ZNF16: variants seen among roughly 807,000 people sequenced by gnomAD.
ZNF16 encodes the protein zinc finger protein 16, also known as zinc finger protein KOX9.
A neutral mutation model predicts 9.0 loss-of-function variants in ZNF16; 7 were observed. The observed-to-expected ratio is 0.78, with a 90% CI of 0.44 to 1.47. The LOEUF (loss-of-function observed/expected upper bound fraction) is 1.47, where lower values mean the gene tolerates loss of function less well. Among genes scored for constraint, ZNF16 ranks in the 40% most tolerant of loss-of-function variants. ZNF16 has a pLI of 0.01. For missense variants in ZNF16, 830 were observed against 854.2 expected, an observed-to-expected ratio of 0.97 and a Z score of 0.35; for synonymous variants, 312 against 301.5, an observed-to-expected ratio of 1.03 and a Z score of -0.36.
chr8:144,948,804 G>C (rs1834021653), intron 1 of ZNF16, among the ~76,000 whole-genome samples: 1 of 152,180 alleles, frequency 6.6e-6, no homozygotes, highest in Non-Finnish European at 1.5e-5. Flanking sequence ...CCAGGACACA[G>C]AATAAATGCC....
chr8:144,948,305 A>C (rs528404702), intron 1 of ZNF16: 2 of 152,362 alleles, frequency 1.3e-5, no homozygotes, highest in African/African-American at 4.8e-5. Flanking sequence ...TTAACTTGGC[A>C]GGGTGCTCAG....
intron 2 of ZNF16, among the ~76,000 whole-genome samples, chr8:144,943,368 A>G (rs1833849000): frequency 1.3e-5 from 2 of 152,082 alleles, no homozygotes; most frequent in African/African-American, 4.8e-5. Context: ...TTGTGTGTGT[A>G]GACATGTCTT....
chr8:144,930,966 A>C lies in ZNF16; in HGVS notation c.1821T>G (p.Gly607=). ...GEKPYTCVEC[G]KGFSQSSHLI... is the part of the protein sequence containing the mutation. ...GGTGTGAGCTCTGGCTGAAGCCCTT[A>C]CCACATTCAACACAGGTGTAGGGTT... is the stretch of plus-strand genomic sequence containing the variant. The change falls in exon 3 of 3, where the codon GGT becomes GGG. Residue 607 remains glycine, a synonymous_variant. Transcript: ENST00000394909. The C allele has an allele frequency of 6.2e-7, 1 of 1,613,692 alleles. No homozygotes were observed. Among genetic ancestry groups the C allele is most frequent in the South Asian group, 1.1e-5 (1 of 91,040 alleles).
At position 144,931,739 on chromosome 8, in the gene ZNF16, C is replaced by G; in HGVS notation, c.1048G>C (p.Val350Leu). Residue 350 changes from valine to leucine, a missense_variant, in exon 3 of 3, where the codon GTG (valine) becomes CTG (leucine). Coordinates refer to ENST00000394909, the MANE Select transcript of ZNF16 (RefSeq NM_006958.3). ...AAGGCCTTCCCACACTCACTGCACA[C>G]ATACGGTTTCTCCCCAGAATGGATT... is the stretch of plus-strand genomic sequence containing the variant. ...QRIHSGEKPY[V>L]CSECGKAFRR... 1.2e-6 allele frequency: 2 copies of G among 1,614,112 alleles called. No individual in the cohort carries two copies. The highest frequency in any genetic ancestry group is 1.7e-6 in the Non-Finnish European group (2 of 1,179,972).
chr8:144,945,938 G>A (rs752636109), intron 2 of ZNF16, 73 bp downstream of exon 2: 1 of 1,576,944 alleles, frequency 6.3e-7, no homozygotes, highest in Non-Finnish European at 8.6e-7. Context: ...TGCCTCCTAG[G>A]GGTAAGCACA....
intron 2 of ZNF16, among the ~76,000 whole-genome samples, chr8:144,941,243 C>CT (rs999242941): frequency 2.0e-5 from 3 of 151,796 alleles, no homozygotes; most frequent in Non-Finnish European, 2.9e-5. Context: ...GTTTGGAGCT[C>CT]TTTTTTTTGA....
chr8:144,934,915 C>T (rs954062038), intron 2 of ZNF16, among the ~76,000 whole-genome samples: 44 of 152,294 alleles, frequency 2.9e-4, no homozygotes, highest in Admixed American at 2.6e-3. Flanking sequence ...AACCAGCCCA[C>T]TAGCTGGATT....
rs71515635 is a variant in ZNF16, at chr8:144,946,618, C to A, written c.-9-403G>T. 2.3e-4 allele frequency among the ~76,000 whole-genome samples: 28 copies of A among 122,838 alleles called. 1 individual carries two copies. Among genetic ancestry groups the A allele is most frequent in the African/African-American group, 7.7e-4 (23 of 29,884 alleles). The allele number at this position is 122,838 out of a possible 152,430, so 80.6% of individuals were successfully genotyped here. On this transcript the variant is annotated intron_variant, in intron 1 of 2. Coordinates refer to ENST00000394909, the MANE Select transcript of ZNF16 (RefSeq NM_006958.3). Reference sequence around the variant, plus strand: ...CTGTATCCTGCTGTTGGGCTTGTGTCCTGCTGTTGGGCCTGTGTCCTGCTG... The same window carrying A: ...CTGTATCCTGCTGTTGGGCTTGTGTACTGCTGTTGGGCCTGTGTCCTGCTG...
At chr8:144,950,167 A>G (rs928480778) in intron 1 of ZNF16, among the ~76,000 whole-genome samples, 1 of 151,698 alleles carries the variant, frequency 6.6e-6, no homozygotes, top group Non-Finnish European at 1.5e-5. Context: ...AAACTTAATT[A>G]TGGCACAGAT....
chr8:144,946,945 C>CCCTGCTGTGGGCCTGTGT (rs1563926126), intron 1 of ZNF16, among the ~76,000 whole-genome samples: 1 of 98,668 alleles, frequency 1.0e-5, no homozygotes, highest in Non-Finnish European at 1.8e-5. Context: ...TGGGCCTGTA[C>CCCTGCTGTGGGCCTGTGT]CCTGCTGTGG....
rs992233386 is a variant in ZNF16 at position 144,933,538 on chromosome 8, C to T, written c.197-948G>A. 3.3e-5 allele frequency among the ~76,000 whole-genome samples: 5 copies of T among 152,096 alleles called. No homozygotes were observed. The highest frequency in any genetic ancestry group is 4.1e-4 in the South Asian group (2 of 4,832). ...GTCCCTTACTCAAATGAAGATGTCACGAGTCTCTCATTCAAACTGACATCC... is the reference window on the plus strand; with the variant it reads ...GTCCCTTACTCAAATGAAGATGTCATGAGTCTCTCATTCAAACTGACATCC... On this transcript the variant is annotated intron_variant, in intron 2 of 2. Transcript: ENST00000394909. This position sits in a 1 kb window ranked among gnomAD's most constrained non-coding sequence, Gnocchi z 5.6.
chr8:144,932,724 T>A lies in ZNF16; in HGVS notation c.197-134A>T. On this transcript the variant is annotated intron_variant, in intron 2 of 2. Transcript: ENST00000394909. The surrounding 1 kb of genome is among the most constrained non-coding windows in gnomAD (Gnocchi z 5.0). ...GGATCCTCTGGGGTGGCAGTCCAGA[T>A]CAGAGGGCATCAGGGAGGGGTGGGA... is the stretch of plus-strand genomic sequence containing the variant. 1 of 825,054 alleles carries A rather than the reference T, an allele frequency of 1.2e-6. No homozygotes were observed. The highest frequency in any genetic ancestry group is 1.9e-6 in the Non-Finnish European group (1 of 532,176). The allele number at this position is 825,054 out of a possible 1,614,324, so 51.1% of individuals were successfully genotyped here.
At chr8:144,934,377 G>A (rs1301794102) in intron 2 of ZNF16, among the ~76,000 whole-genome samples, 2 of 152,264 alleles carry the variant, frequency 1.3e-5, no homozygotes, top group Non-Finnish European at 2.9e-5. Flanking sequence ...GCACACAGAT[G>A]TGGGTGCCTT....
chr8:144,946,797 G>A (rs1462919987), intron 1 of ZNF16, among the ~76,000 whole-genome samples: 4 of 108,002 alleles, frequency 3.7e-5, no homozygotes, highest in African/African-American at 1.3e-4. Context: ...GTGGGCCTGT[G>A]TCCTGCTGTG....
intron 2 of ZNF16, among the ~76,000 whole-genome samples, chr8:144,934,398 C>G (rs889737063): frequency 1.3e-5 from 2 of 152,268 alleles, no homozygotes; most frequent in Non-Finnish European, 2.9e-5. Flanking sequence ...TCTTTACCAC[C>G]CTGCTGCCCT....
At chr8:144,947,692 C>G (rs1454306788) in intron 1 of ZNF16, among the ~76,000 whole-genome samples, 1 of 152,176 alleles carries the variant, frequency 6.6e-6, no homozygotes, top group Non-Finnish European at 1.5e-5. Flanking sequence ...CATGTTGGCA[C>G]CCCAGTGTGC....
At chr8:144,944,069 T>C (rs1287104149) in intron 2 of ZNF16, 20 of 129,572 alleles carry the variant, frequency 1.5e-4, no homozygotes, top group Admixed American at 6.0e-4. Flanking sequence ...TTTTTTTCTT[T>C]TTTTCTTTTT....
At chr8:144,949,387 A>T (rs1238733038) in intron 1 of ZNF16, among the ~76,000 whole-genome samples, 1 of 152,232 alleles carries the variant, frequency 6.6e-6, no homozygotes, top group Non-Finnish European at 1.5e-5. Context: ...AACACCAGGA[A>T]CCACGAACCC....
At chr8:144,945,664 A>C (rs1390178604) in intron 2 of ZNF16, 1 of 196,530 alleles carries the variant, frequency 5.1e-6, no homozygotes, top group East Asian at 1.2e-4. Context: ...GGGTAACCAC[A>C]GTACAAAGCC....
Sources: allele counts gnomAD v4.1 joint callset (sites outside exome capture counted in the v4.1 genomes callset), GRCh38; gene constraint gnomAD v4.1.1; non-coding constraint Gnocchi (gnomAD v3.1); transcripts MANE v1.5; gene names NCBI Gene and HGNC (gene_info 2026-07-23, HGNC 2026-07-21).